The following FANCA variants were observed in gnomAD, a reference collection of about 807,000 sequenced individuals.
FANCA encodes FA complementation group A.
FANCA carries 236 observed loss-of-function variants against 194.3 expected under a neutral mutation model. That is an observed-to-expected ratio of 1.21 (90% CI 1.09 to 1.35). The LOEUF is 1.35. FANCA is among the 40% of genes most tolerant of loss of function. FANCA has a pLI of 0.00. For synonymous variants in FANCA, 1,014 were observed against 715.8 expected, an observed-to-expected ratio of 1.42 and a Z score of -6.65; for missense variants, 2,628 against 1,813.9, an observed-to-expected ratio of 1.45 and a Z score of -8.15.
chr16:89,762,149 G>A lies in FANCA; in HGVS notation c.2779-127C>T, dbSNP rs530300588. On this transcript the variant is annotated intron_variant, in intron 28 of 42. Coordinates refer to ENST00000389301, the MANE Select transcript of FANCA (RefSeq NM_000135.4). ...CATGTCCCTGTGTTATAATGAAATTGCAGCTGAGAGTTCCACAGGAAAGAA... is the reference window on the plus strand; with the variant it reads ...CATGTCCCTGTGTTATAATGAAATTACAGCTGAGAGTTCCACAGGAAAGAA... The A allele has an allele frequency of 3.6e-5, 28 of 773,476 alleles. No homozygotes were observed. In the South Asian group the frequency reaches 3.7e-4, roughly 10 times the overall value. 47.9% of individuals were successfully genotyped at this position (773,476 alleles called of 1,614,324 possible). A position where few individuals can be genotyped will look rare whatever the true frequency, so the allele number is the denominator to read the frequency against.
chr16:89,755,858 G>A (rs1307609017), intron 30 of FANCA, among the ~76,000 whole-genome samples: 2 of 151,408 alleles, frequency 1.3e-5, no homozygotes, highest in African/African-American at 4.9e-5. Context: ...ACACGGCACG[G>A]CCCACCGCAC....
rs977640878 is a variant in FANCA, at chr16:89,783,526, G to A, written c.1471-424C>T. On this transcript the variant is annotated intron_variant, in intron 15 of 42. Coordinates refer to ENST00000389301, the MANE Select transcript of FANCA (RefSeq NM_000135.4). Reference sequence around the variant, plus strand: ...AGATCGCGCCACTGCACTCCAGCCTGGGTGACACAGTGAGACTTCATTTCC... The same window carrying A: ...AGATCGCGCCACTGCACTCCAGCCTAGGTGACACAGTGAGACTTCATTTCC... Among the ~76,000 whole-genome samples, 3 of 151,290 alleles carry A rather than the reference G, an allele frequency of 2.0e-5. No homozygotes were observed. The South Asian group carries it at 6.3e-4, about 32-fold the overall frequency.
chr16:89,772,590 G>C (rs1284949562), intron 22 of FANCA, among the ~76,000 whole-genome samples: 1 of 152,144 alleles, frequency 6.6e-6, no homozygotes, highest in Non-Finnish European at 1.5e-5. Context: ...GCCAACACAG[G>C]TGGATCACCT....
Position 89,745,061 on chromosome 16 carries a change from G to C in FANCA, c.3524C>G (p.Pro1175Arg). The change falls in exon 36 of 43, where the codon CCG becomes CGG. Residue 1175 changes from proline (P) to arginine (R), a missense_variant. Coordinates refer to ENST00000389301, the MANE Select transcript of FANCA (RefSeq NM_000135.4). ...GCAGAGCAGCACAGGCTCCAGGCTC[G>C]GCCACCACACCTATGGAGAGAGCAC... ...LILTSALVWW[P>R]SLEPVLLCRW... is the part of the protein sequence containing the mutation. 1.2e-6 allele frequency: 2 copies of C among 1,605,374 alleles called. No individual in the cohort carries two copies. Among genetic ancestry groups the C allele is most frequent in the Middle Eastern group, 1.7e-4 (1 of 6,052 alleles).
chr16:89,756,328 A>G (rs954628871), intron 30 of FANCA, among the ~76,000 whole-genome samples: 1 of 152,216 alleles, frequency 6.6e-6, no homozygotes, highest in Non-Finnish European at 1.5e-5. Context: ...AATACCCACT[A>G]GGATGGCTAC....
chr16:89,791,299 T>C, intron 14 of FANCA, 104 bp downstream of exon 14: 6 of 1,466,628 alleles, frequency 4.1e-6, no homozygotes, highest in Non-Finnish European at 5.6e-6. Context: ...GACAGCAAGG[T>C]TGCTCACTCA....
rs1238441917 is a variant in FANCA, at chr16:89,811,326, C to T, written c.284-255G>A. On this transcript the variant is annotated intron_variant, in intron 3 of 42. Transcript: ENST00000389301. ...GGTATTTGTTACGTTTCCCATGACA[C>T]AAAAGGAGCAAGATAAAGAAATATA... is the stretch of plus-strand genomic sequence containing the variant. Among the ~76,000 whole-genome samples, 8 of 152,198 alleles carry T rather than the reference C, an allele frequency of 5.3e-5. No homozygotes were observed. In the East Asian group the frequency reaches 1.5e-3, roughly 29 times the overall value.
intron 29 of FANCA, 23 bp downstream of exon 29, chr16:89,761,926 G>T (rs776575352): frequency 1.2e-6 from 2 of 1,600,498 alleles, no homozygotes; most frequent in Middle Eastern, 1.7e-4. Context: ...TGCCTGGCCA[G>T]GGTAGCTCTT....
In FANCA at chr16:89,765,043, C is replaced by A; in HGVS notation, c.2625G>T (p.Leu875Phe). Residue 875 changes from leucine (L) to phenylalanine (F), a missense_variant, in exon 28 of 43, where the codon TTG becomes TTT. Coordinates refer to ENST00000389301, the MANE Select transcript of FANCA (RefSeq NM_000135.4). ...AAAGAGGCTGTCGGGCCTCTGAGAA[C>A]AATCTGAACATGAGGAACTGAAACT... is the stretch of plus-strand genomic sequence containing the variant. ...IKKFQFLMFR[L>F]FSEARQPLSE... is the part of the protein sequence containing the mutation. The A allele has an allele frequency of 3.1e-6, 5 of 1,614,240 alleles. No homozygotes were observed. The highest frequency in any genetic ancestry group is 4.2e-6 in the Non-Finnish European group (5 of 1,180,034).
At chr16:89,802,189 C>T (rs1169546093) in intron 8 of FANCA, among the ~76,000 whole-genome samples, 2 of 152,022 alleles carry the variant, frequency 1.3e-5, no homozygotes, top group Non-Finnish European at 2.9e-5. Context: ...CTGCAACCTC[C>T]GCCTCCTGGG....
chr16:89,740,123 C>T lies in FANCA; in HGVS notation c.3829-24G>A. ...CTCTGTAAACCGCAGGAGACCAACC[C>T]TGAGAATGGCCGACCTGGTGCTCCC... On this transcript the variant is annotated intron_variant, in intron 38 of 42. Transcript: ENST00000389301. The T allele has an allele frequency of 3.1e-6, 5 of 1,598,502 alleles. No homozygotes were observed. In the South Asian group the frequency reaches 5.5e-5, roughly 18 times the overall value.
intron 14 of FANCA, among the ~76,000 whole-genome samples, chr16:89,786,645 C>T (rs2039907994): frequency 6.6e-6 from 1 of 151,242 alleles, no homozygotes; most frequent in African/African-American, 2.4e-5. Context: ...ATGTTATCAT[C>T]ATGCAGACAG....
At chr16:89,766,822 C>T (rs1340842242) in intron 27 of FANCA, among the ~76,000 whole-genome samples, 1 of 152,150 alleles carries the variant, frequency 6.6e-6, no homozygotes, top group Non-Finnish European at 1.5e-5. Flanking sequence ...GAATACTGAT[C>T]TTTTAATTCA....
Position 89,816,150 on chromosome 16 carries a change from G to C in FANCA, c.80-164C>G, listed in dbSNP as rs111818726. On this transcript the variant is annotated intron_variant, in intron 1 of 42. Transcript: ENST00000389301. ...CAGGTCTCGGGAAACTAACGGAGAC[G>C]GCCCCACCGCGGACGCCGGGGAAGA... 4.4e-6 allele frequency: 3 copies of C among 676,996 alleles called. No individual in the cohort carries two copies. Among genetic ancestry groups the C allele is most frequent in the South Asian group, 3.0e-5 (2 of 66,718 alleles). 41.9% of individuals were successfully genotyped at this position (676,996 alleles called of 1,614,324 possible). A position where few individuals can be genotyped will look rare whatever the true frequency, so the allele number is the denominator to read the frequency against.
intron 6 of FANCA, among the ~76,000 whole-genome samples, chr16:89,807,951 G>C (rs2040722160): frequency 6.6e-6 from 1 of 152,098 alleles, no homozygotes; most frequent in Admixed American, 6.6e-5. Flanking sequence ...CCAGCGACTT[G>C]GGAGGCTGAG....
At chr16:89,772,201 T>G (rs899876590) in intron 22 of FANCA, among the ~76,000 whole-genome samples, 5 of 152,176 alleles carry the variant, frequency 3.3e-5, no homozygotes, top group African/African-American at 1.2e-4. Flanking sequence ...ACTACATCAT[T>G]TAAAGGTGAA....
In FANCA at chr16:89,795,994, C is replaced by T. The variant is rs199634699; in HGVS notation, c.918G>A (p.Thr306=). Residue 306 remains threonine, a synonymous_variant, in exon 11 of 43, where the codon ACG becomes ACA. Transcript: ENST00000389301. ...GATCTGTGGAAATTACACTGCCAAG[C>T]GTGTGTCCACTGAACACTCCGAACC... ...RCWFGVFSGH[T]LGSVISTDPL... 9.9e-5 allele frequency: 160 copies of T among 1,613,904 alleles called. No homozygotes were observed. The highest frequency in any genetic ancestry group is 1.2e-4 in the Non-Finnish European group (141 of 1,179,930).
intron 41 of FANCA, 57 bp downstream of exon 41, chr16:89,739,076 A>G: frequency 6.2e-7 from 1 of 1,613,924 alleles, no homozygotes; most frequent in Middle Eastern, 1.6e-4. Flanking sequence ...TCTTTGGCAG[A>G]AGGAGCCTCC....
chr16:89,810,635 T>C lies in FANCA; in HGVS notation c.522+72A>G. 3 of 974,536 alleles carry C rather than the reference T, an allele frequency of 3.1e-6. No homozygotes were observed. The South Asian group carries it at 3.8e-5, about 12-fold the overall frequency. The allele number at this position is 974,536 out of a possible 1,614,324, so 60.4% of individuals were successfully genotyped here. On this transcript the variant is annotated intron_variant, in intron 5 of 42. Transcript: ENST00000389301. ...AATTCCCAAGAAAACCCAGGTACTC[T>C]GTTGCCTCCATCCAGATCAACAGAA...
Sources: allele counts gnomAD v4.1 joint callset (sites outside exome capture counted in the v4.1 genomes callset), GRCh38; gene constraint gnomAD v4.1.1; transcripts MANE v1.5; gene names NCBI Gene and HGNC (gene_info 2026-07-23, HGNC 2026-07-21).